Variants in EXOC6B observed in about 807,000 individuals in gnomAD.
The protein encoded by EXOC6B is exocyst complex component 6B, also known as SEC15 homolog B.
Under a neutral mutation model 113.5 loss-of-function variants are expected in EXOC6B, and 54 were observed. The observed-to-expected ratio is 0.48, with a 90% confidence interval of 0.38 to 0.60. The LOEUF (loss-of-function observed/expected upper bound fraction) is 0.60, where lower values mean the gene tolerates loss of function less well. Among genes scored for constraint, EXOC6B ranks in the 20% least tolerant of loss-of-function variants. EXOC6B has a pLI of 0.00. For synonymous variants in EXOC6B, 357 were observed against 339.0 expected, an observed-to-expected ratio of 1.05 and a Z score of -0.58; for missense variants, 797 against 977.5, an observed-to-expected ratio of 0.82 and a Z score of 2.46.
intron 16 of EXOC6B, among the ~76,000 whole-genome samples, chr2:72,491,064 C>A (rs1278005037): frequency 6.6e-6 from 1 of 152,168 alleles, no homozygotes; most frequent in Non-Finnish European, 1.5e-5. Context: ...AGGAGGACTT[C>A]CTAATTTTCA....
At chr2:72,774,120 A>G (rs1252519439) in intron 1 of EXOC6B, among the ~76,000 whole-genome samples, 1 of 152,210 alleles carries the variant, frequency 6.6e-6, no homozygotes, top group Non-Finnish European at 1.5e-5. Flanking sequence ...GGTTTTCCAA[A>G]TATTGATATA....
intron 11 of EXOC6B, among the ~76,000 whole-genome samples, chr2:72,500,949 T>G (rs1247295299): frequency 6.6e-6 from 1 of 152,176 alleles, no homozygotes; most frequent in East Asian, 1.9e-4. Flanking sequence ...CTATTACCTT[T>G]TCATTAGATT....
intron 11 of EXOC6B, among the ~76,000 whole-genome samples, chr2:72,511,274 A>G (rs369729183): frequency 6.6e-6 from 1 of 152,268 alleles, no homozygotes. Flanking sequence ...GGCATCACAA[A>G]GTAATCATTT....
intron 11 of EXOC6B, among the ~76,000 whole-genome samples, chr2:72,503,968 T>C (rs1700470778): frequency 6.6e-6 from 1 of 152,128 alleles, no homozygotes; most frequent in Non-Finnish European, 1.5e-5. Flanking sequence ...ACTGCAGGGA[T>C]ACGATCGTGG....
At chr2:72,611,556 G>A (rs1049358222) in intron 6 of EXOC6B, among the ~76,000 whole-genome samples, 1 of 152,158 alleles carries the variant, frequency 6.6e-6, no homozygotes, top group Non-Finnish European at 1.5e-5. Flanking sequence ...GTAGTGATGT[G>A]CCAGTACTAA....
At chr2:72,583,116 A>T (rs1390379143) in intron 6 of EXOC6B, among the ~76,000 whole-genome samples, 2 of 152,188 alleles carry the variant, frequency 1.3e-5, no homozygotes, top group Non-Finnish European at 2.9e-5. Flanking sequence ...CAGACCTTAA[A>T]GACCAGTCTT....
chr2:72,481,346 A>G (rs1699079699), intron 16 of EXOC6B, among the ~76,000 whole-genome samples: 1 of 152,212 alleles, frequency 6.6e-6, no homozygotes, highest in Non-Finnish European at 1.5e-5. Context: ...TTATGGGAAC[A>G]CTTATCACTG....
chr2:72,269,436 C>T (rs1684340360), intron 20 of EXOC6B, among the ~76,000 whole-genome samples: 1 of 152,162 alleles, frequency 6.6e-6, no homozygotes, highest in African/African-American at 2.4e-5. Flanking sequence ...TGAATGCTTG[C>T]TATTTTAGGT....
chr2:72,231,429 A>T (rs1331313102), intron 20 of EXOC6B, among the ~76,000 whole-genome samples: 1 of 152,228 alleles, frequency 6.6e-6, no homozygotes, highest in Non-Finnish European at 1.5e-5. Flanking sequence ...AATCAGAATC[A>T]GAATAGAACA....
chr2:72,284,766 T>A (rs991092558), intron 20 of EXOC6B, among the ~76,000 whole-genome samples: 3 of 152,002 alleles, frequency 2.0e-5, no homozygotes, highest in African/African-American at 7.2e-5. Context: ...GACTAACAAG[T>A]CATTACAGCA....
chr2:72,273,960 A>G (rs749643100), intron 20 of EXOC6B, among the ~76,000 whole-genome samples: 8 of 152,170 alleles, frequency 5.3e-5, no homozygotes, highest in Non-Finnish European at 1.2e-4. Context: ...GTGGATATCT[A>G]TGTAAGTTTT....
intron 5 of EXOC6B, among the ~76,000 whole-genome samples, chr2:72,730,223 C>G (rs1368063605): frequency 6.6e-6 from 1 of 152,112 alleles, no homozygotes; most frequent in Non-Finnish European, 1.5e-5. Context: ...CTTGGCTGAC[C>G]AGAGGAGCCA....
At chr2:72,569,898 A>G (rs578013334) in intron 7 of EXOC6B, among the ~76,000 whole-genome samples, 1 of 152,312 alleles carries the variant, frequency 6.6e-6, no homozygotes, top group South Asian at 2.1e-4. Flanking sequence ...GAGAAATTAC[A>G]TAATTTGTCC....
Position 72,305,173 on chromosome 2 carries a change from G to A in EXOC6B, c.2196+29774C>T, listed in dbSNP as rs540839034. On this transcript the variant is annotated intron_variant, in intron 20 of 21. Transcript: ENST00000272427. ...TCTATATTTTGTTGGTGAAGAAACT[G>A]AGGCACAGAAAGGTTACGAATTTGT... Among the ~76,000 whole-genome samples, 119 of 152,274 alleles carry A rather than the reference G, an allele frequency of 7.8e-4. 1 individual carries two copies. The highest frequency in any genetic ancestry group is 3.4e-3 in the Middle Eastern group (1 of 294).
At chr2:72,804,969 T>C (rs1685500745) in intron 1 of EXOC6B, among the ~76,000 whole-genome samples, 1 of 152,182 alleles carries the variant, frequency 6.6e-6, no homozygotes, top group Admixed American at 6.5e-5. Flanking sequence ...ATTAGCCAAC[T>C]GACGAAACCA....
intron 18 of EXOC6B, among the ~76,000 whole-genome samples, chr2:72,446,468 T>C (rs906307463): frequency 2.6e-5 from 4 of 152,168 alleles, no homozygotes; most frequent in Non-Finnish European, 1.5e-5. Flanking sequence ...TCATGTCTTT[T>C]ATGGGAACAT....
At chr2:72,515,158 C>T (rs1259850922) in intron 8 of EXOC6B, 32 bp from the exon 9 acceptor site, 2 of 1,526,256 alleles carry the variant, frequency 1.3e-6, no homozygotes, top group Admixed American at 1.9e-5. Flanking sequence ...TGGGTTGACA[C>T]AATTGGACCA....
chr2:72,684,804 G>A (rs1467576422), intron 6 of EXOC6B, among the ~76,000 whole-genome samples: 1 of 152,162 alleles, frequency 6.6e-6, no homozygotes, highest in South Asian at 2.1e-4. Flanking sequence ...GGTTGCCCAT[G>A]GGGAGGCAAG....
At chr2:72,355,537 G>T (rs753387113) in intron 19 of EXOC6B, among the ~76,000 whole-genome samples, 3 of 152,132 alleles carry the variant, frequency 2.0e-5, no homozygotes, top group Admixed American at 1.3e-4. Flanking sequence ...CCAAGTTATA[G>T]TCTTCATGAT....
Sources: allele counts gnomAD v4.1 joint callset (sites outside exome capture counted in the v4.1 genomes callset), GRCh38; gene constraint gnomAD v4.1.1; transcripts MANE v1.5; gene names NCBI Gene and HGNC (gene_info 2026-07-23, HGNC 2026-07-21).